Variants in PM20D2 observed in about 807,000 individuals in gnomAD.
PM20D2 encodes xaa-Arg dipeptidase.
A neutral mutation model predicts 42.9 loss-of-function variants in PM20D2; 33 were observed. The ratio of observed to expected loss-of-function variants is 0.77; its 90% CI spans 0.58 to 1.03. PM20D2 has a LOEUF of 1.03. PM20D2 is among the 50% of genes least tolerant of loss of function. The pLI, the probability that PM20D2 is intolerant of heterozygous loss-of-function variation, is 0.00. For synonymous variants in PM20D2, 250 were observed against 228.2 expected (o/e 1.10, Z -0.86); for missense variants, 548 against 557.0 (o/e 0.98, Z 0.16).
the PM20D2 span, among the ~76,000 whole-genome samples, chr6:89,094,590 G>A: frequency 1.3e-5 from 2 of 152,070 alleles, no homozygotes; most frequent in African/African-American, 4.8e-5. Flanking sequence ...ATGGTGTTTT[G>A]AATTATGTGA....
At chr6:89,154,019 A>T (rs1280284545) in intron 3 of PM20D2, among the ~76,000 whole-genome samples, 1 of 152,196 alleles carries the variant, frequency 6.6e-6, no homozygotes, top group Admixed American at 6.5e-5. Context: ...GGAAATTGTT[A>T]TATTTTAATA....
At chr6:89,122,921 T>G in the PM20D2 span, among the ~76,000 whole-genome samples, 1 of 152,240 alleles carries the variant, frequency 6.6e-6, no homozygotes, top group African/African-American at 2.4e-5. Flanking sequence ...TACTTTGGTT[T>G]ATAAGACATC....
the PM20D2 span, among the ~76,000 whole-genome samples, chr6:89,107,814 G>T: frequency 3.3e-5 from 5 of 152,126 alleles, no homozygotes; most frequent in East Asian, 9.6e-4. Context: ...CAGGAAGTAT[G>T]GATTAGAGGC....
At chr6:89,159,616 A>G (rs1771167398) in intron 5 of PM20D2, among the ~76,000 whole-genome samples, 1 of 152,202 alleles carries the variant, frequency 6.6e-6, no homozygotes, top group Admixed American at 6.5e-5. Flanking sequence ...AAGAGTGGAT[A>G]CAAGCTTGAG....
At chr6:89,096,402 T>C in the PM20D2 span, 2 of 152,182 alleles carry the variant, frequency 1.3e-5, no homozygotes, top group Admixed American at 1.3e-4. Flanking sequence ...GTGTTGATGG[T>C]TAAATACAAG....
At chr6:89,122,028 C>T in the PM20D2 span, among the ~76,000 whole-genome samples, 1 of 152,144 alleles carries the variant, frequency 6.6e-6, no homozygotes, top group Non-Finnish European at 1.5e-5. Context: ...TTTTACAAGT[C>T]TTTAAAATTA....
chr6:89,142,957 C>G (rs2127768862), upstream of PM20D2, among the ~76,000 whole-genome samples: 1 of 152,350 alleles, frequency 6.6e-6, no homozygotes, highest in South Asian at 2.1e-4. Context: ...CGCGCCCGGC[C>G]CCCCACAATT....
chr6:89,118,039 C>A, the PM20D2 span: 12 of 640,368 alleles, frequency 1.9e-5, no homozygotes, highest in Non-Finnish European at 2.8e-5. Flanking sequence ...CCGCAGAGGC[C>A]GGCGCAGAGG....
chr6:89,119,005 T>G, the PM20D2 span, among the ~76,000 whole-genome samples: 4 of 152,220 alleles, frequency 2.6e-5, no homozygotes, highest in Admixed American at 6.5e-5. Context: ...AGGCAACTCC[T>G]AAGTGTGAAG....
At chr6:89,114,477 C>A in the PM20D2 span, among the ~76,000 whole-genome samples, 1 of 151,874 alleles carries the variant, frequency 6.6e-6, no homozygotes. Flanking sequence ...AGGGTTACTG[C>A]GAAAATTTAA....
chr6:89,126,575 T>G, the PM20D2 span, among the ~76,000 whole-genome samples: 5 of 147,700 alleles, frequency 3.4e-5, no homozygotes, highest in African/African-American at 1.3e-4. Context: ...TCCCAGCTAC[T>G]CGGGTGGCAG....
At chr6:89,119,632 C>G in the PM20D2 span, among the ~76,000 whole-genome samples, 2 of 152,188 alleles carry the variant, frequency 1.3e-5, no homozygotes, top group Admixed American at 6.5e-5. Flanking sequence ...TCTTGTAGTT[C>G]AGAGGCCAGA....
chr6:89,117,997 C>G, the PM20D2 span: 43,878 of 1,206,722 alleles, frequency 0.036, 968 homozygotes, highest in Non-Finnish European at 0.044. Flanking sequence ...GCGCGACCCC[C>G]ACCCCTCGGC....
the PM20D2 span, among the ~76,000 whole-genome samples, chr6:89,094,155 A>T: frequency 6.6e-6 from 1 of 151,994 alleles, no homozygotes; most frequent in South Asian, 2.1e-4. Context: ...TCCTGACCTC[A>T]AGCGATCTGC....
At chr6:89,154,516 G>T (rs926106535) in intron 3 of PM20D2, among the ~76,000 whole-genome samples, 1 of 152,046 alleles carries the variant, frequency 6.6e-6, no homozygotes. Flanking sequence ...AAATTCTTCT[G>T]AATGAAGTGC....
the PM20D2 span, among the ~76,000 whole-genome samples, chr6:89,127,331 C>CTTTTT: frequency 7.3e-6 from 1 of 137,156 alleles, no homozygotes; most frequent in Non-Finnish European, 1.6e-5. Context: ...CTGTGAAATG[C>CTTTTT]TTTTTTTTTT....
At chr6:89,119,176 G>A in the PM20D2 span, among the ~76,000 whole-genome samples, 1 of 152,246 alleles carries the variant, frequency 6.6e-6, no homozygotes, top group East Asian at 1.9e-4. Context: ...CTCTGGCACT[G>A]CAGGCACAGG....
At chr6:89,149,719 C>T (rs1040586541) in intron 2 of PM20D2, among the ~76,000 whole-genome samples, 3 of 152,228 alleles carry the variant, frequency 2.0e-5, no homozygotes, top group Non-Finnish European at 4.4e-5. Flanking sequence ...TCTGTCCTTT[C>T]ATATGAAATT....
intron 5 of PM20D2, among the ~76,000 whole-genome samples, chr6:89,160,408 T>A (rs538170132): frequency 1.3e-5 from 2 of 152,358 alleles, no homozygotes; most frequent in South Asian, 4.1e-4. Context: ...TAGGATTGTG[T>A]TTGGAACGTA....
Sources: gnomAD v4.1 joint callset for allele counts (sites outside exome capture counted in the v4.1 genomes callset) on GRCh38, gnomAD v4.1.1 for gene constraint, MANE v1.5 for transcripts, NCBI Gene and HGNC (gene_info 2026-07-23, HGNC 2026-07-21) for gene names.